PTPRS: variants seen among roughly 807,000 people sequenced by gnomAD.
The protein encoded by PTPRS is receptor-type tyrosine-protein phosphatase S.
In PTPRS, 63 loss-of-function variants were observed where a neutral mutation model predicts 215.3. That is an observed-to-expected ratio of 0.29 (90% CI 0.24 to 0.36). The LOEUF is 0.36. PTPRS is among the 10% of genes least tolerant of loss of function. The pLI is 1.00. For synonymous variants in PTPRS, 1,404 were observed against 1,191.4 expected (o/e 1.18, Z -3.68); for missense variants, 2,258 against 2,825.8 (o/e 0.80, Z 4.56).
At chr19:5,236,578 CAT>C (rs1219120006) in intron 13 of PTPRS, among the ~76,000 whole-genome samples, 3 of 152,222 alleles carry the variant, frequency 2.0e-5, no homozygotes, top group Non-Finnish European at 2.9e-5. Context: ...TGGCTGAGCA[CAT>C]GTTTACTGAG....
In PTPRS at chr19:5,253,622, A is replaced by G. The variant is rs1339258968; in HGVS notation, c.718+2486T>C. On this transcript the variant is annotated intron_variant, in intron 9 of 37. Transcript: ENST00000262963. ...ATCTCATGGGGATGGGGCTGGAGCC[A>G]GGAGAAAATGAGATCATGAGATGAG... Among the ~76,000 whole-genome samples the G allele has an allele frequency of 2.0e-5, 3 of 152,238 alleles. No individual in the cohort carries two copies. In the East Asian group the frequency reaches 5.8e-4, roughly 29 times the overall value.
chr19:5,318,438 T>A (rs970611744), intron 1 of PTPRS, among the ~76,000 whole-genome samples: 3 of 151,832 alleles, frequency 2.0e-5, no homozygotes, highest in African/African-American at 7.3e-5. Flanking sequence ...CCCAGCTAGG[T>A]CCAACAGCAA....
chr19:5,340,493 G>C (rs115476531), intron 1 of PTPRS, among the ~76,000 whole-genome samples, 171 bp downstream of exon 1: 19 of 151,424 alleles, frequency 1.3e-4, no homozygotes, highest in African/African-American at 4.3e-4. Context: ...GGGCGCAGCG[G>C]CTGGGCGTGC....
intron 1 of PTPRS, among the ~76,000 whole-genome samples, chr19:5,319,808 T>C (rs1471996127): frequency 6.6e-6 from 1 of 151,922 alleles, no homozygotes; most frequent in East Asian, 1.9e-4. Flanking sequence ...CATCAGGGCT[T>C]TGCTCAAACA....
intron 9 of PTPRS, among the ~76,000 whole-genome samples, chr19:5,248,807 C>T (rs1242823306): frequency 6.6e-6 from 1 of 152,168 alleles, no homozygotes; most frequent in Non-Finnish European, 1.5e-5. Context: ...TGGGAAGGTC[C>T]CCCATCCTCC....
chr19:5,210,400 C>G lies in PTPRS; in HGVS notation c.5487+69G>C. 6.2e-7 allele frequency: 1 copy of G among 1,604,440 alleles called. No homozygotes were observed. The highest frequency in any genetic ancestry group is 8.5e-7 in the Non-Finnish European group (1 of 1,173,948). On this transcript the variant is annotated intron_variant, in intron 35 of 37. Transcript: ENST00000262963. The surrounding 1 kb of genome is among the most constrained non-coding windows in gnomAD (Gnocchi z 4.5). ...TAACCCTTGGCCTTTGTATCCATCA[C>G]CAACCAGGGCAGCCCTTTCCAGATC...
chr19:5,246,614 C>G (rs1314606233), intron 9 of PTPRS, among the ~76,000 whole-genome samples: 1 of 152,172 alleles, frequency 6.6e-6, no homozygotes, highest in East Asian at 1.9e-4. Context: ...CCAACCCTCC[C>G]TGGTTCTCTG....
chr19:5,316,650 C>G (rs1568609862), intron 1 of PTPRS, among the ~76,000 whole-genome samples: 1 of 152,194 alleles, frequency 6.6e-6, no homozygotes, highest in Non-Finnish European at 1.5e-5. Context: ...GCCTTGGCCT[C>G]CCAAAGTGCT....
chr19:5,332,921 G>A (rs545969828), intron 1 of PTPRS, among the ~76,000 whole-genome samples: 94 of 152,342 alleles, frequency 6.2e-4, no homozygotes, highest in African/African-American at 2.2e-3. Flanking sequence ...GGCCAAGGCA[G>A]GCGGATCACT....
At chr19:5,234,701 G>A (rs1035248936) in intron 13 of PTPRS, among the ~76,000 whole-genome samples, 7 of 152,106 alleles carry the variant, frequency 4.6e-5, no homozygotes. Flanking sequence ...ACTGTGCTAA[G>A]GGCTGTATCA....
chr19:5,238,623 A>C (rs2043695231), intron 13 of PTPRS, among the ~76,000 whole-genome samples: 5 of 152,172 alleles, frequency 3.3e-5, no homozygotes, highest in Admixed American at 2.6e-4. Flanking sequence ...GTGGTCCCAG[A>C]ACCTCTCCTA....
At chr19:5,329,008 C>T (rs1568620434) in intron 1 of PTPRS, among the ~76,000 whole-genome samples, 2 of 152,144 alleles carry the variant, frequency 1.3e-5, no homozygotes, top group Non-Finnish European at 2.9e-5. Flanking sequence ...AGGAGCCAGA[C>T]GGGCTGATCT....
At chr19:5,326,343 C>G (rs552864037) in intron 1 of PTPRS, among the ~76,000 whole-genome samples, 1 of 152,326 alleles carries the variant, frequency 6.6e-6, no homozygotes, top group South Asian at 2.1e-4. Flanking sequence ...CAGGGGTGCT[C>G]AGGCTTCAGC....
intron 1 of PTPRS, among the ~76,000 whole-genome samples, chr19:5,323,870 GGTGACC>G (rs1441644334): frequency 6.6e-6 from 1 of 152,210 alleles, no homozygotes; most frequent in Admixed American, 6.5e-5. Context: ...CCAGAGCAGA[GGTGACC>G]GTGTTGGTCC....
At chr19:5,213,614 G>A (rs2041135534) in intron 30 of PTPRS, among the ~76,000 whole-genome samples, 1 of 152,148 alleles carries the variant, frequency 6.6e-6, no homozygotes, top group African/African-American at 2.4e-5. Context: ...GTGTGCTTGT[G>A]TCCAGGTTAG....
chr19:5,216,375 T>G (rs757021963), intron 26 of PTPRS, among the ~76,000 whole-genome samples: 2 of 152,110 alleles, frequency 1.3e-5, no homozygotes, highest in Non-Finnish European at 2.9e-5. Context: ...CTGGTAACAT[T>G]TAATGTTCTG....
In PTPRS at chr19:5,286,090, G is replaced by C. The variant is rs1298536908; in HGVS notation, c.51C>G (p.Gly17=). 1.9e-6 allele frequency: 3 copies of C among 1,614,130 alleles called. No individual in the cohort carries two copies. The highest frequency in any genetic ancestry group is 2.5e-6 in the Non-Finnish European group (3 of 1,179,986). The change falls in exon 2 of 38, where the codon GGC becomes GGG. Residue 17 remains glycine (G), a synonymous_variant. Coordinates refer to ENST00000262963, the MANE Select transcript of PTPRS (RefSeq NM_002850.4). ...CTCCAACGAGCAGGACCACAAGGAG[G>C]CCCATGGGACCAACCACAGACACCA... ...PGMVSVVGPM[G]LLVVLLVGGC...
At chr19:5,331,025 G>A (rs1279326461) in intron 1 of PTPRS, among the ~76,000 whole-genome samples, 1 of 151,630 alleles carries the variant, frequency 6.6e-6, no homozygotes, top group African/African-American at 2.4e-5. Context: ...GGCCCCGCGA[G>A]ACGTCAGGGA....
chr19:5,322,967 G>C (rs1055155616), intron 1 of PTPRS, among the ~76,000 whole-genome samples: 1 of 151,912 alleles, frequency 6.6e-6, no homozygotes, highest in African/African-American at 2.4e-5. Context: ...TCTTCCCCTG[G>C]GAAGAGCTGC....
Sources: allele counts gnomAD v4.1 joint callset (sites outside exome capture counted in the v4.1 genomes callset), GRCh38; gene constraint gnomAD v4.1.1; non-coding constraint Gnocchi (gnomAD v3.1); transcripts MANE v1.5; gene names NCBI Gene and HGNC (gene_info 2026-07-23, HGNC 2026-07-21).